Variants in AKAP7 observed in about 807,000 individuals in gnomAD.
The protein encoded by AKAP7 is A-kinase anchoring protein 7, also known as A kinase (PRKA) anchor protein 7.
In AKAP7, 39 loss-of-function variants were observed where a neutral mutation model predicts 39.5. The ratio of observed to expected loss-of-function variants is 0.99; its 90% CI spans 0.76 to 1.29. The LOEUF (loss-of-function observed/expected upper bound fraction) is 1.29. Among genes scored for constraint, AKAP7 ranks in the 50% most tolerant of loss-of-function variants. AKAP7 has a pLI of 0.00. For missense variants in AKAP7, 414 were observed against 407.7 expected (o/e 1.02, Z -0.13); for synonymous variants, 140 against 139.1 (o/e 1.01, Z -0.05).
At position 131,207,491 on chromosome 6, in the gene AKAP7, A is replaced by ATTTTTTTTTTTT. The variant is rs531582478; in HGVS notation, c.702+7933_702+7944dup. Among the ~76,000 whole-genome samples the ATTTTTTTTTTTT allele has an allele frequency of 2.9e-3, 230 of 78,792 alleles. 26 individuals carry two copies. The highest frequency in any genetic ancestry group is 0.018 in the East Asian group (59 of 3,264). 51.7% of individuals were successfully genotyped at this position (78,792 alleles called of 152,430 possible). A position where few individuals can be genotyped will look rare whatever the true frequency, so the allele number is the denominator to read the frequency against. ...TGCACACCATGCCTGGCTAATTAAAATTTTTTTTTTTTTTTTTTTTTTTTT... is the reference window on the plus strand; with the variant it reads ...TGCACACCATGCCTGGCTAATTAAAATTTTTTTTTTTTTTTTTTTTTTTTTTTTTTTTTTTTT... On this transcript the variant is annotated intron_variant, in intron 6 of 7. Transcript: ENST00000431975.
intron 2 of AKAP7, among the ~76,000 whole-genome samples, chr6:131,151,072 T>TG (rs1181708367): frequency 1.3e-5 from 2 of 152,130 alleles, no homozygotes; most frequent in African/African-American, 4.8e-5. Context: ...AGATGTAGTC[T>TG]GGTGCTGTCA....
At chr6:131,136,619 G>C (rs1800564690) in intron 1 of AKAP7, among the ~76,000 whole-genome samples, 1 of 152,170 alleles carries the variant, frequency 6.6e-6, no homozygotes, top group Non-Finnish European at 1.5e-5. Context: ...TGCAATTCAG[G>C]ATCCTGTTAG....
chr6:131,147,016 G>C (rs1801540131), intron 2 of AKAP7, among the ~76,000 whole-genome samples: 1 of 152,204 alleles, frequency 6.6e-6, no homozygotes, highest in Non-Finnish European at 1.5e-5. Context: ...GTGAGGATGT[G>C]TTCAGGGAGG....
chr6:131,181,763 C>T (rs1179042280), intron 5 of AKAP7, among the ~76,000 whole-genome samples: 1 of 152,130 alleles, frequency 6.6e-6, no homozygotes, highest in Non-Finnish European at 1.5e-5. Context: ...CCTTAGTTGA[C>T]GCTGCTGCCA....
intron 3 of AKAP7, among the ~76,000 whole-genome samples, chr6:131,160,582 G>A (rs1013068256): frequency 2.8e-4 from 43 of 152,298 alleles, no homozygotes; most frequent in Admixed American, 2.7e-3. Flanking sequence ...GCATGTCAAG[G>A]TCATTTGCAA....
chr6:131,141,902 T>TC lies in AKAP7; in HGVS notation c.20-3383_20-3382insC, dbSNP rs200518491. ...GAAGAAATTTCTTTCTTTCTTTCTT[T>TC]TTTTTTTTTTTTTTTTGCAACAGGG... On this transcript the variant is annotated intron_variant, in intron 1 of 7. Transcript: ENST00000431975. Among the ~76,000 whole-genome samples, 1,809 of 141,174 alleles carry TC rather than the reference T, an allele frequency of 0.013. 79 individuals are homozygous for TC. In the East Asian group the frequency reaches 0.15, roughly 12 times the overall value. 92.6% of individuals were successfully genotyped at this position (141,174 alleles called of 152,430 possible).
chr6:131,159,304 A>G (rs1025079072), intron 2 of AKAP7, among the ~76,000 whole-genome samples: 102 of 152,066 alleles, frequency 6.7e-4, no homozygotes, highest in African/African-American at 2.3e-3. Context: ...CGTGTTAGCC[A>G]GGATGGTCTT....
At chr6:131,193,771 A>G (rs1222040858) in intron 5 of AKAP7, among the ~76,000 whole-genome samples, 1 of 152,040 alleles carries the variant, frequency 6.6e-6, no homozygotes, top group Non-Finnish European at 1.5e-5. Context: ...TCATGGTTCA[A>G]TCTTCATAGA....
chr6:131,141,869 A>G (rs1584931200), intron 1 of AKAP7, among the ~76,000 whole-genome samples: 3 of 149,670 alleles, frequency 2.0e-5, no homozygotes, highest in African/African-American at 7.4e-5. Context: ...GACTTAGAGT[A>G]TCTGATAGAA....
chr6:131,186,408 A>G (rs186323539), intron 5 of AKAP7, among the ~76,000 whole-genome samples: 6 of 152,250 alleles, frequency 3.9e-5, no homozygotes, highest in Admixed American at 3.9e-4. Context: ...CTCTTTTCTT[A>G]TAAGTTATCC....
intron 7 of AKAP7, among the ~76,000 whole-genome samples, chr6:131,247,092 C>T (rs1812057746): frequency 6.6e-6 from 1 of 151,694 alleles, no homozygotes; most frequent in Non-Finnish European, 1.5e-5. Context: ...AACTCAAGTG[C>T]CTGGTGTTAT....
At chr6:131,237,957 G>A (rs1194899591) in intron 7 of AKAP7, among the ~76,000 whole-genome samples, 1 of 152,068 alleles carries the variant, frequency 6.6e-6, no homozygotes, top group Admixed American at 6.6e-5. Flanking sequence ...GCTTTTGAAT[G>A]TGTTTGCTCT....
At chr6:131,135,830 C>G (rs1448347039) in intron 1 of AKAP7, 48 bp downstream of exon 1, 1 of 1,226,578 alleles carries the variant, frequency 8.2e-7, no homozygotes, top group Non-Finnish European at 1.0e-6. Flanking sequence ...ACAGGAGCCG[C>G]GGGGGCCTGG....
intron 7 of AKAP7, among the ~76,000 whole-genome samples, chr6:131,258,455 C>G (rs769279969): frequency 6.6e-6 from 1 of 152,160 alleles, no homozygotes; most frequent in South Asian, 2.1e-4. Context: ...TTAATTACTA[C>G]CCAAATTGGA....
chr6:131,143,364 A>C (rs1054050318), intron 1 of AKAP7, among the ~76,000 whole-genome samples: 6 of 152,168 alleles, frequency 3.9e-5, no homozygotes, highest in Non-Finnish European at 7.4e-5. Flanking sequence ...TGCAGTAATG[A>C]GTTCATGTGA....
intron 6 of AKAP7, among the ~76,000 whole-genome samples, chr6:131,214,883 C>G (rs1338503668): frequency 6.6e-6 from 1 of 152,062 alleles, no homozygotes; most frequent in African/African-American, 2.4e-5. Flanking sequence ...CTCTTCTTTT[C>G]AATATATTAT....
Position 131,138,974 on chromosome 6 carries a change from A to G in AKAP7, c.19+3192A>G, listed in dbSNP as rs184237460. Among the ~76,000 whole-genome samples the G allele has an allele frequency of 3.2e-3, 489 of 152,348 alleles. 2 individuals carry two copies. The highest frequency in any genetic ancestry group is 3.6e-3 in the Non-Finnish European group (242 of 68,026). On this transcript the variant is annotated intron_variant, in intron 1 of 7. Coordinates refer to ENST00000431975, the MANE Select transcript of AKAP7 (RefSeq NM_016377.4). The stretch of plus-strand genomic sequence containing the variant: ...TTATACAAAAGATAGAATTTTAACT[A>G]TGGTTAGAACAAATTGTAGGAGACT...
chr6:131,157,568 A>G (rs973287691), intron 2 of AKAP7, among the ~76,000 whole-genome samples: 2 of 152,218 alleles, frequency 1.3e-5, no homozygotes, highest in Non-Finnish European at 2.9e-5. Context: ...TTAGATGTGT[A>G]AAATTGCAGG....
chr6:131,145,280 TAAAG>T lies in AKAP7; in HGVS notation c.20-4_20-1del. 1 of 1,479,498 alleles carries T rather than the reference TAAAG, an allele frequency of 6.8e-7. No individual in the cohort carries two copies. Among genetic ancestry groups the T allele is most frequent in the Non-Finnish European group, 9.1e-7 (1 of 1,101,448 alleles). The allele number at this position is 1,479,498 out of a possible 1,614,324, so 91.6% of individuals were successfully genotyped here. The stretch of plus-strand genomic sequence containing the variant: ...CCTTTTTTTTCTGTTTGTGATATGT[TAAAG>T]GAGGAATTAATTCCAATGAGTGTGA... On this transcript the variant is annotated splice_acceptor_variant and splice_polypyrimidine_tract_variant and intron_variant, in intron 1 of 7. Transcript: ENST00000431975. LOFTEE classifies it high-confidence loss of function.
Sources: allele counts gnomAD v4.1 joint callset (sites outside exome capture counted in the v4.1 genomes callset), GRCh38; gene constraint gnomAD v4.1.1; transcripts MANE v1.5; gene names NCBI Gene and HGNC (gene_info 2026-07-23, HGNC 2026-07-21).